JAZF1: variants seen among roughly 807,000 people sequenced by gnomAD.
The protein encoded by JAZF1 is juxtaposed with another zinc finger protein 1.
A neutral mutation model predicts 26.4 loss-of-function variants in JAZF1; 8 were observed. The observed-to-expected ratio is 0.30, with a 90% CI of 0.18 to 0.55. The LOEUF (loss-of-function observed/expected upper bound fraction) is 0.55, where lower values mean the gene tolerates loss of function less well. Among genes scored for constraint, JAZF1 ranks in the 20% least tolerant of loss-of-function variants. JAZF1 has a pLI of 0.94. For missense variants in JAZF1, 199 were observed against 322.0 expected, an observed-to-expected ratio of 0.62 and a Z score of 2.92; for synonymous variants, 126 against 122.3, an observed-to-expected ratio of 1.03 and a Z score of -0.20.
At chr7:27,966,305 C>G (rs1023520) in intron 2 of JAZF1, among the ~76,000 whole-genome samples, 143,012 of 152,318 alleles carry the variant, frequency 0.94, 67,232 homozygotes, top group East Asian at 1. Flanking sequence ...TAATCCCTAC[C>G]CACTCTTTCT....
chr7:28,024,097 GC>G (rs1269822926), intron 1 of JAZF1, among the ~76,000 whole-genome samples: 1 of 151,466 alleles, frequency 6.6e-6, no homozygotes, highest in Non-Finnish European at 1.5e-5. Flanking sequence ...ACCAACCTGG[GC>G]AGCATAGCAA....
rs148574369 is a variant in JAZF1 at position 27,929,894 on chromosome 7, G to T, written c.189-34478C>A. 2.3e-3 allele frequency among the ~76,000 whole-genome samples: 355 copies of T among 151,830 alleles called. 1 individual carries two copies. Among genetic ancestry groups the T allele is most frequent in the African/African-American group, 8.2e-3 (341 of 41,450 alleles). On this transcript the variant is annotated intron_variant, in intron 2 of 4. Transcript: ENST00000283928. Reference sequence around the variant, plus strand: ...ATCTCTGGGGAGCAAAATTTTGGGAGAATTTATTTCCTTCTCTATCCCTTC... The same window carrying T: ...ATCTCTGGGGAGCAAAATTTTGGGATAATTTATTTCCTTCTCTATCCCTTC...
At chr7:28,116,728 G>A (rs577224177) in intron 1 of JAZF1, among the ~76,000 whole-genome samples, 62 of 151,966 alleles carry the variant, frequency 4.1e-4, no homozygotes, top group African/African-American at 1.5e-3. Context: ...GATTACAGGC[G>A]TGAAACACCG....
At chr7:27,973,942 C>T (rs954775477) in intron 2 of JAZF1, among the ~76,000 whole-genome samples, 1 of 152,062 alleles carries the variant, frequency 6.6e-6, no homozygotes, top group Non-Finnish European at 1.5e-5. Flanking sequence ...AGGACAAGAG[C>T]AGGGGAAGCA....
At chr7:28,104,372 T>C (rs966470571) in intron 1 of JAZF1, among the ~76,000 whole-genome samples, 1 of 152,208 alleles carries the variant, frequency 6.6e-6, no homozygotes, top group African/African-American at 2.4e-5. Context: ...ATTGTTTTGT[T>C]CCCAATTGTA....
chr7:27,834,846 GTAAAAGATAATT>G (rs1266707355), intron 4 of JAZF1, among the ~76,000 whole-genome samples: 1 of 152,212 alleles, frequency 6.6e-6, no homozygotes, highest in African/African-American at 2.4e-5. Flanking sequence ...CCAGAGAACT[GTAAAAGATAATT>G]GTTTTAAGCC....
At chr7:27,973,761 C>T (rs1785418688) in intron 2 of JAZF1, among the ~76,000 whole-genome samples, 1 of 152,156 alleles carries the variant, frequency 6.6e-6, no homozygotes, top group Admixed American at 6.5e-5. Flanking sequence ...ACGCTGCAAG[C>T]CAAGGGCAAA....
intron 1 of JAZF1, among the ~76,000 whole-genome samples, chr7:28,031,735 G>C (rs1783196738): frequency 6.6e-6 from 1 of 152,136 alleles, no homozygotes; most frequent in African/African-American, 2.4e-5. Flanking sequence ...AGTCATGGGG[G>C]TTGGGGGAAG....
At chr7:27,888,819 G>A (rs1168926555) in intron 3 of JAZF1, among the ~76,000 whole-genome samples, 3 of 152,024 alleles carry the variant, frequency 2.0e-5, no homozygotes, top group Non-Finnish European at 4.4e-5. Context: ...CCTTTCTCTG[G>A]TTTAATACTT....
chr7:27,906,232 G>C lies in JAZF1; in HGVS notation c.189-10816C>G, dbSNP rs114751924. Among the ~76,000 whole-genome samples the C allele has an allele frequency of 5.3e-3, 782 of 147,724 alleles. 12 individuals carry two copies. Among genetic ancestry groups the C allele is most frequent in the African/African-American group, 0.019 (741 of 39,830 alleles). ...GTGTCCTCTCACAGCTGGACACACA[G>C]AGGGGTGGTGAGGTGCTGGATGCCC... On this transcript the variant is annotated intron_variant, in intron 2 of 4. Coordinates refer to ENST00000283928, the MANE Select transcript of JAZF1 (RefSeq NM_175061.4).
intron 4 of JAZF1, among the ~76,000 whole-genome samples, chr7:27,839,394 A>C (rs1393604159): frequency 6.6e-6 from 1 of 152,202 alleles, no homozygotes; most frequent in Non-Finnish European, 1.5e-5. Flanking sequence ...GAAAGAAGGA[A>C]AAAGTCTCTT....
At chr7:27,943,433 G>T (rs935493371) in intron 2 of JAZF1, among the ~76,000 whole-genome samples, 1 of 152,162 alleles carries the variant, frequency 6.6e-6, no homozygotes, top group Non-Finnish European at 1.5e-5. Context: ...GCCCAGATGC[G>T]GGTCTCTCAC....
At position 27,975,811 on chromosome 7, in the gene JAZF1, A is replaced by C. The variant is rs370137366; in HGVS notation, c.188+16098T>G. Among the ~76,000 whole-genome samples the C allele has an allele frequency of 7.2e-5, 11 of 152,338 alleles. No individual in the cohort carries two copies. In the East Asian group the frequency reaches 9.6e-4, roughly 13 times the overall value. On this transcript the variant is annotated intron_variant, in intron 2 of 4. Coordinates refer to ENST00000283928, the MANE Select transcript of JAZF1 (RefSeq NM_175061.4). The stretch of plus-strand genomic sequence containing the variant: ...TGAGTGGACATAAAGATTTTTAAAA[A>C]TGGTCTGATGTGATTTCAATTGTAT...
chr7:27,897,563 A>C (rs2128342442), intron 2 of JAZF1, among the ~76,000 whole-genome samples: 1 of 152,296 alleles, frequency 6.6e-6, no homozygotes, highest in African/African-American at 2.4e-5. Context: ...CGTAAGAATG[A>C]CCTCTGACTG....
chr7:27,899,538 A>C lies in JAZF1; in HGVS notation c.189-4122T>G, dbSNP rs149834224. ...AAGCACCAACCTCCTGGGCTCAAGCAATCTTCTTGCCTCAGCCTCCCAAGT... is the reference window on the plus strand; with the variant it reads ...AAGCACCAACCTCCTGGGCTCAAGCCATCTTCTTGCCTCAGCCTCCCAAGT... On this transcript the variant is annotated intron_variant, in intron 2 of 4. Transcript: ENST00000283928. Among the ~76,000 whole-genome samples, 367 of 152,190 alleles carry C rather than the reference A, an allele frequency of 2.4e-3. 3 individuals carry two copies. Among genetic ancestry groups the C allele is most frequent in the African/African-American group, 8.6e-3 (359 of 41,516 alleles).
At chr7:27,868,783 ACCCCACTTGAAAAATGACAAC>A (rs1310041673) in intron 3 of JAZF1, among the ~76,000 whole-genome samples, 1 of 152,158 alleles carries the variant, frequency 6.6e-6, no homozygotes. Context: ...AGCTCCAGTT[ACCCCACTTGAAAAATGACAAC>A]CACAACAGTA....
At chr7:27,834,606 A>G (rs905987535) in intron 4 of JAZF1, among the ~76,000 whole-genome samples, 4 of 152,172 alleles carry the variant, frequency 2.6e-5, no homozygotes, top group African/African-American at 9.7e-5. Context: ...GGGGCAGGAA[A>G]GGGGAGGGTA....
chr7:27,959,899 CAAAAA>C (rs10592879), intron 2 of JAZF1, among the ~76,000 whole-genome samples: 1 of 147,358 alleles, frequency 6.8e-6, no homozygotes, highest in Non-Finnish European at 1.5e-5. Flanking sequence ...GATGCTGTCT[CAAAAA>C]AAAAAAAAAA....
At chr7:28,014,719 T>C (rs1252484452) in intron 1 of JAZF1, among the ~76,000 whole-genome samples, 1 of 152,150 alleles carries the variant, frequency 6.6e-6, no homozygotes, top group African/African-American at 2.4e-5. Flanking sequence ...AACAGACTAG[T>C]ATATAGGTCC....
Sources: allele counts gnomAD v4.1 joint callset (sites outside exome capture counted in the v4.1 genomes callset), GRCh38; gene constraint gnomAD v4.1.1; transcripts MANE v1.5; gene names NCBI Gene and HGNC (gene_info 2026-07-23, HGNC 2026-07-21).